Variants in SGCZ observed in about 807,000 individuals in gnomAD.
The protein encoded by SGCZ is zeta-sarcoglycan.
A neutral mutation model predicts 41.3 loss-of-function variants in SGCZ; 40 were observed. The observed-to-expected ratio is 0.97, with a 90% CI of 0.75 to 1.26. The LOEUF (loss-of-function observed/expected upper bound fraction) is 1.26, where lower values mean the gene tolerates loss of function less well. Ranked by LOEUF, SGCZ falls within the 50% of genes most tolerant of loss-of-function variation. The pLI is 0.00. For synonymous variants in SGCZ, 206 were observed against 137.5 expected (o/e 1.50, Z -3.49); for missense variants, 552 against 369.8 (o/e 1.49, Z -4.04).
intron 1 of SGCZ, among the ~76,000 whole-genome samples, chr8:14,843,219 G>GA (rs908716040): frequency 8.6e-5 from 13 of 151,876 alleles, no homozygotes; most frequent in Admixed American, 1.3e-4. Context: ...TTTAAAAAAA[G>GA]AAAAAAAGAA....
chr8:14,252,938 G>A (rs1245591112), intron 3 of SGCZ, among the ~76,000 whole-genome samples: 1 of 151,970 alleles, frequency 6.6e-6, no homozygotes, highest in South Asian at 2.1e-4. Flanking sequence ...ACATCTTTTT[G>A]TAACTTAAGG....
intron 1 of SGCZ, among the ~76,000 whole-genome samples, chr8:14,936,166 G>T (rs550522097): frequency 6.6e-6 from 1 of 151,822 alleles, no homozygotes; most frequent in Non-Finnish European, 1.5e-5. Flanking sequence ...AGGCGGAAAG[G>T]TATCCAATAA....
At chr8:15,106,249 G>A (rs144734284) in intron 1 of SGCZ, among the ~76,000 whole-genome samples, 48 of 152,066 alleles carry the variant, frequency 3.2e-4, no homozygotes, top group African/African-American at 1.1e-3. Context: ...CTTATTAGTT[G>A]TCATTTTTTA....
chr8:14,671,963 T>G (rs1379021125), intron 1 of SGCZ, among the ~76,000 whole-genome samples: 1 of 152,252 alleles, frequency 6.6e-6, no homozygotes, highest in East Asian at 1.9e-4. Context: ...TAAAACATCA[T>G]TTTCGAAACT....
chr8:14,354,493 C>T (rs1803221397), intron 2 of SGCZ, among the ~76,000 whole-genome samples: 1 of 151,660 alleles, frequency 6.6e-6, no homozygotes, highest in African/African-American at 2.4e-5. Flanking sequence ...TAAGATCTTA[C>T]TTTTAGGAAA....
intron 1 of SGCZ, among the ~76,000 whole-genome samples, chr8:14,594,541 A>G (rs1376496314): frequency 6.6e-6 from 1 of 152,074 alleles, no homozygotes; most frequent in East Asian, 1.9e-4. Context: ...AAGCCATATA[A>G]AAGCATGGTG....
intron 1 of SGCZ, among the ~76,000 whole-genome samples, chr8:14,591,099 G>A (rs2117284801): frequency 6.6e-6 from 1 of 151,156 alleles, no homozygotes; most frequent in Admixed American, 6.6e-5. Flanking sequence ...AGAGACCAGA[G>A]TCATCTAATA....
intron 2 of SGCZ, among the ~76,000 whole-genome samples, chr8:14,523,307 T>G (rs938079427): frequency 5.3e-5 from 8 of 152,072 alleles, no homozygotes; most frequent in Non-Finnish European, 1.2e-4. Flanking sequence ...ATTTTATTTC[T>G]ACTTAGAGAA....
At chr8:14,244,030 G>T (rs186176551) in intron 3 of SGCZ, among the ~76,000 whole-genome samples, 1 of 152,114 alleles carries the variant, frequency 6.6e-6, no homozygotes, top group Non-Finnish European at 1.5e-5. Context: ...AATGCATGTT[G>T]AATGAATGAA....
chr8:14,223,147 C>G (rs913246287), intron 4 of SGCZ, among the ~76,000 whole-genome samples: 2 of 151,974 alleles, frequency 1.3e-5, no homozygotes, highest in Non-Finnish European at 2.9e-5. Context: ...CATCTTACAT[C>G]GAATTATCAC....
intron 1 of SGCZ, among the ~76,000 whole-genome samples, chr8:14,736,273 G>T (rs919481299): frequency 2.0e-5 from 3 of 152,072 alleles, no homozygotes; most frequent in African/African-American, 4.8e-5. Context: ...GCACCAGTTT[G>T]TGTAACTGGA....
At chr8:14,784,947 T>A (rs866672880) in intron 1 of SGCZ, among the ~76,000 whole-genome samples, 35 of 130,108 alleles carry the variant, frequency 2.7e-4, no homozygotes, top group South Asian at 2.4e-3. Context: ...ATATATATAT[T>A]TTTTATATTA....
rs1331494945 is a variant in SGCZ at position 15,163,555 on chromosome 8, T to C, written c.39+74030A>G. Among the ~76,000 whole-genome samples, 3 of 152,212 alleles carry C rather than the reference T, an allele frequency of 2.0e-5. No homozygotes were observed. The East Asian group carries it at 5.8e-4, about 29-fold the overall frequency. On this transcript the variant is annotated intron_variant, in intron 1 of 7. Coordinates refer to ENST00000382080, the MANE Select transcript of SGCZ (RefSeq NM_139167.4). ...TTTAATCTTGAAGTTCTAATAAAAATATATGATTTTACTTATCCTATTTCT... is the reference window on the plus strand; with the variant it reads ...TTTAATCTTGAAGTTCTAATAAAAACATATGATTTTACTTATCCTATTTCT...
Position 14,820,000 on chromosome 8 carries a change from A to AATAAC in SGCZ, c.40-265079_40-265075dup, listed in dbSNP as rs1430362994. On this transcript the variant is annotated intron_variant, in intron 1 of 7. Coordinates refer to ENST00000382080, the MANE Select transcript of SGCZ (RefSeq NM_139167.4). The stretch of plus-strand genomic sequence containing the variant: ...AGGAAACAACTAACAAAATGGCAGG[A>AATAAC]ATAACTCCTTATCTGTCAAAAACCA... 4.6e-5 allele frequency among the ~76,000 whole-genome samples: 7 copies of AATAAC among 152,240 alleles called. No homozygotes were observed. In the East Asian group the frequency reaches 1.4e-3, roughly 29 times the overall value.
chr8:14,211,489 G>T (rs895579849), intron 4 of SGCZ, among the ~76,000 whole-genome samples: 7 of 152,130 alleles, frequency 4.6e-5, no homozygotes, highest in Non-Finnish European at 7.3e-5. Context: ...TTCTCACACT[G>T]CTGTAAAGAA....
At chr8:14,288,406 A>G (rs1800716758) in intron 3 of SGCZ, among the ~76,000 whole-genome samples, 1 of 152,088 alleles carries the variant, frequency 6.6e-6, no homozygotes, top group Non-Finnish European at 1.5e-5. Context: ...CCAAAAGGAT[A>G]TCTTGTATCT....
intron 1 of SGCZ, among the ~76,000 whole-genome samples, chr8:14,733,670 A>C (rs979877484): frequency 6.6e-6 from 1 of 152,184 alleles, no homozygotes; most frequent in Non-Finnish European, 1.5e-5. Flanking sequence ...CTTGTTGTCA[A>C]ATATATTTAA....
intron 1 of SGCZ, among the ~76,000 whole-genome samples, chr8:14,774,567 G>C (rs1008731336): frequency 6.6e-6 from 1 of 152,120 alleles, no homozygotes; most frequent in Non-Finnish European, 1.5e-5. Context: ...AATCCTCATG[G>C]TATTAGAACA....
At position 14,186,799 on chromosome 8, in the gene SGCZ, G is replaced by A. The variant is rs534732064; in HGVS notation, c.425-22097C>T. ...GTTGTGATGAAAGTAATTAAAAGGA[G>A]ACCAAAACTTCATCGGAGACATATT... is the stretch of plus-strand genomic sequence containing the variant. On this transcript the variant is annotated intron_variant, in intron 4 of 7. Transcript: ENST00000382080. Among the ~76,000 whole-genome samples, 5 of 152,276 alleles carry A rather than the reference G, an allele frequency of 3.3e-5. No individual in the cohort carries two copies. The East Asian group carries it at 9.7e-4, about 29-fold the overall frequency.
Sources: allele counts gnomAD v4.1 joint callset (sites outside exome capture counted in the v4.1 genomes callset), GRCh38; gene constraint gnomAD v4.1.1; transcripts MANE v1.5; gene names NCBI Gene and HGNC (gene_info 2026-07-23, HGNC 2026-07-21).